Variants in NKAIN2 observed in about 807,000 individuals in gnomAD.
The protein encoded by NKAIN2 is sodium/potassium-transporting ATPase subunit beta-1-interacting protein 2.
In NKAIN2, 14 loss-of-function variants were observed where a neutral mutation model predicts 32.6. The ratio of observed to expected loss-of-function variants is 0.43; its 90% CI spans 0.28 to 0.67. The LOEUF (loss-of-function observed/expected upper bound fraction) is 0.67, where lower values mean the gene tolerates loss of function less well. Among genes scored for constraint, NKAIN2 ranks in the 30% least tolerant of loss-of-function variants. NKAIN2 has a pLI of 0.17. For missense variants in NKAIN2, 198 were observed against 258.3 expected, an observed-to-expected ratio of 0.77 and a Z score of 1.60; for synonymous variants, 80 against 87.2, an observed-to-expected ratio of 0.92 and a Z score of 0.46.
intron 1 of NKAIN2, among the ~76,000 whole-genome samples, chr6:124,098,989 A>C (rs10456951): frequency 0.14 from 20,856 of 152,154 alleles, 1,857 homozygotes; most frequent in Middle Eastern, 0.27. Context: ...AGATAAAGTT[A>C]GGTTATCCTA....
At position 123,810,287 on chromosome 6, in the gene NKAIN2, T is replaced by C. The variant is rs1289944138; in HGVS notation, c.54+6033T>C. On this transcript the variant is annotated intron_variant, in intron 1 of 6. Coordinates refer to ENST00000368417, the MANE Select transcript of NKAIN2 (RefSeq NM_001040214.3). ...TGTGCCACACTGCATCCCTTCCATG[T>C]AAAATAAAACTATAGCAGCCTCTCA... 2.0e-5 allele frequency among the ~76,000 whole-genome samples: 3 copies of C among 152,168 alleles called. No homozygotes were observed. In the East Asian group the frequency reaches 5.8e-4, roughly 29 times the overall value.
intron 1 of NKAIN2, among the ~76,000 whole-genome samples, chr6:124,103,043 TA>T (rs1784963508): frequency 6.6e-6 from 1 of 152,218 alleles, no homozygotes; most frequent in African/African-American, 2.4e-5. Flanking sequence ...CTAAGAGTTC[TA>T]ATCCTAATTC....
Position 124,161,162 on chromosome 6 carries a change from A to G in NKAIN2, c.55-121843A>G, listed in dbSNP as rs565295281. Among the ~76,000 whole-genome samples the G allele has an allele frequency of 9.9e-5, 15 of 152,242 alleles. No individual in the cohort carries two copies. In the East Asian group the frequency reaches 2.3e-3, roughly 24 times the overall value. ...CGTTCTGCCTGCTGTACAGGAAGCA[A>G]TGTGGCTTCTGCTTCTGAGGAGGCC... On this transcript the variant is annotated intron_variant, in intron 1 of 6. Coordinates refer to ENST00000368417, the MANE Select transcript of NKAIN2 (RefSeq NM_001040214.3).
At chr6:124,465,433 G>A (rs543812888) in intron 3 of NKAIN2, among the ~76,000 whole-genome samples, 5 of 152,006 alleles carry the variant, frequency 3.3e-5, no homozygotes, top group South Asian at 4.2e-4. Flanking sequence ...GTCGAACAAT[G>A]AGAACACATG....
chr6:124,619,105 A>G (rs1783016228), intron 3 of NKAIN2, among the ~76,000 whole-genome samples: 1 of 152,172 alleles, frequency 6.6e-6, no homozygotes, highest in African/African-American at 2.4e-5. Context: ...TAAGGAAGAG[A>G]ATTACATTAC....
At chr6:124,049,551 A>G (rs1420257698) in intron 1 of NKAIN2, among the ~76,000 whole-genome samples, 2 of 152,094 alleles carry the variant, frequency 1.3e-5, no homozygotes, top group African/African-American at 4.8e-5. Flanking sequence ...GTGCAGTTTT[A>G]CTTTCTGTGA....
At chr6:124,736,180 A>T (rs948733226) in intron 4 of NKAIN2, among the ~76,000 whole-genome samples, 1 of 152,096 alleles carries the variant, frequency 6.6e-6, no homozygotes, top group Admixed American at 6.6e-5. Context: ...AGTGGTCAGG[A>T]TAGATCAAAA....
rs142596726 is a variant in NKAIN2 at position 124,743,624 on chromosome 6, A to G, written c.475-47715A>G. The stretch of plus-strand genomic sequence containing the variant: ...ATAACATGATATCCCTCTCTGAGAT[A>G]TGTGCAAAGCTTCAGGCAGCTGTTT... On this transcript the variant is annotated intron_variant, in intron 4 of 6. Transcript: ENST00000368417. Among the ~76,000 whole-genome samples, 790 of 151,962 alleles carry G rather than the reference A, an allele frequency of 5.2e-3. 12 individuals carry two copies. The highest frequency in any genetic ancestry group is 0.018 in the African/African-American group (756 of 41,528).
intron 2 of NKAIN2, among the ~76,000 whole-genome samples, chr6:124,305,875 C>A (rs1583022795): frequency 6.6e-6 from 1 of 152,116 alleles, no homozygotes; most frequent in Non-Finnish European, 1.5e-5. Context: ...GCTCTGCTGT[C>A]TCTCATTATT....
At chr6:124,321,788 A>G (rs1278911773) in intron 2 of NKAIN2, among the ~76,000 whole-genome samples, 2 of 152,164 alleles carry the variant, frequency 1.3e-5, no homozygotes, top group African/African-American at 4.8e-5. Flanking sequence ...GCAGCCATTT[A>G]GAGGCAATAA....
chr6:124,192,808 G>A (rs1790092207), intron 1 of NKAIN2, among the ~76,000 whole-genome samples: 2 of 136,288 alleles, frequency 1.5e-5, no homozygotes, highest in African/African-American at 2.8e-5. Flanking sequence ...GGAGTGCAGT[G>A]GCACGATCTC....
intron 3 of NKAIN2, among the ~76,000 whole-genome samples, chr6:124,527,936 G>T (rs557806639): frequency 6.6e-6 from 1 of 152,184 alleles, no homozygotes; most frequent in African/African-American, 2.4e-5. Flanking sequence ...GGTATACTTG[G>T]CACCTAGAAC....
chr6:124,256,428 A>G lies in NKAIN2; in HGVS notation c.55-26577A>G, dbSNP rs896758851. Reference sequence around the variant, plus strand: ...CCACATTTGCCATTTCAGAGCCCATAGAAAGGTAACCCAGGAAACAGATGT... The same window carrying G: ...CCACATTTGCCATTTCAGAGCCCATGGAAAGGTAACCCAGGAAACAGATGT... On this transcript the variant is annotated intron_variant, in intron 1 of 6. Coordinates refer to ENST00000368417, the MANE Select transcript of NKAIN2 (RefSeq NM_001040214.3). Among the ~76,000 whole-genome samples the G allele has an allele frequency of 7.9e-5, 12 of 152,334 alleles. No individual in the cohort carries two copies. The South Asian group carries it at 2.5e-3, about 32-fold the overall frequency.
chr6:124,718,096 T>A (rs1775842087), intron 4 of NKAIN2, among the ~76,000 whole-genome samples: 1 of 152,178 alleles, frequency 6.6e-6, no homozygotes, highest in African/African-American at 2.4e-5. Flanking sequence ...TTCCACATAC[T>A]ATGAAATTCA....
chr6:124,734,337 G>A (rs775202698), intron 4 of NKAIN2, among the ~76,000 whole-genome samples: 6 of 151,708 alleles, frequency 4.0e-5, no homozygotes, highest in Non-Finnish European at 8.8e-5. Context: ...CATGGCCTCA[G>A]GACTGGGATC....
chr6:124,801,243 C>T (rs1027354688), intron 5 of NKAIN2, among the ~76,000 whole-genome samples: 1 of 152,170 alleles, frequency 6.6e-6, no homozygotes, highest in African/African-American at 2.4e-5. Context: ...AACTCCTTTA[C>T]ACTAATTTTT....
At chr6:124,234,795 A>T (rs190061517) in intron 1 of NKAIN2, among the ~76,000 whole-genome samples, 92 of 152,332 alleles carry the variant, frequency 6.0e-4, no homozygotes, top group Non-Finnish European at 3.1e-4. Flanking sequence ...ATATTCTAAA[A>T]CTAACAAAAA....
At chr6:124,783,320 T>C (rs1398830366) in intron 4 of NKAIN2, among the ~76,000 whole-genome samples, 3 of 152,180 alleles carry the variant, frequency 2.0e-5, no homozygotes, top group African/African-American at 4.8e-5. Context: ...TAAACCAGTG[T>C]TGGCATTTAG....
At chr6:124,749,199 C>T (rs1055204744) in intron 4 of NKAIN2, among the ~76,000 whole-genome samples, 1 of 151,886 alleles carries the variant, frequency 6.6e-6, no homozygotes, top group Admixed American at 6.6e-5. Context: ...ATCCTGAAAT[C>T]CAGCAACAGC....
Sources: gnomAD v4.1 joint callset for allele counts (sites outside exome capture counted in the v4.1 genomes callset) on GRCh38, gnomAD v4.1.1 for gene constraint, MANE v1.5 for transcripts, NCBI Gene and HGNC (gene_info 2026-07-23, HGNC 2026-07-21) for gene names.